The following CACNA2D4 variants were observed in gnomAD, a reference collection of about 807,000 sequenced individuals.
CACNA2D4 encodes the protein voltage-dependent calcium channel subunit alpha-2/delta-4.
Under a neutral mutation model 163.8 loss-of-function variants are expected in CACNA2D4, and 157 were observed. The observed-to-expected ratio is 0.96, with a 90% confidence interval of 0.84 to 1.09. CACNA2D4 has a LOEUF of 1.09. Among genes scored for constraint, CACNA2D4 ranks in the 50% least tolerant of loss-of-function variants. CACNA2D4 has a pLI of 0.00. For synonymous variants in CACNA2D4, 598 were observed against 586.9 expected (o/e 1.02, Z -0.27); for missense variants, 1,410 against 1,479.9 (o/e 0.95, Z 0.78).
At chr12:1,868,064 A>G (rs535436323) in intron 18 of CACNA2D4, among the ~76,000 whole-genome samples, 2 of 152,342 alleles carry the variant, frequency 1.3e-5, no homozygotes, top group Non-Finnish European at 2.9e-5. Flanking sequence ...GGAGGAGCCT[A>G]AAGAAATGAA....
In CACNA2D4 at chr12:1,834,271, A is replaced by G; in HGVS notation, c.2551+6468T>C. 3.2e-6 allele frequency: 5 copies of G among 1,563,146 alleles called. No individual in the cohort carries two copies. Among genetic ancestry groups the G allele is most frequent in the Non-Finnish European group, 4.3e-6 (5 of 1,151,630 alleles). On this transcript the variant is annotated intron_variant, in intron 26 of 37. Transcript: ENST00000382722. The surrounding 1 kb of genome is among the most constrained non-coding windows in gnomAD (Gnocchi z 7.6). ...CTTTTTCTCTTCTGCATGTAGGGGG[A>G]CGCTTGGACCAGCTTGCCTGCACCC...
intron 6 of CACNA2D4, among the ~76,000 whole-genome samples, chr12:1,903,551 T>C (rs910744120): frequency 5.8e-4 from 88 of 151,728 alleles, no homozygotes; most frequent in African/African-American, 2.0e-3. Flanking sequence ...GATTTTTAAA[T>C]GGGAAAAAAT....
Position 1,879,790 on chromosome 12 carries a change from G to T in CACNA2D4, c.1563+14C>A. The T allele has an allele frequency of 6.3e-7, 1 of 1,584,944 alleles. No homozygotes were observed. Among genetic ancestry groups the T allele is most frequent in the South Asian group, 1.2e-5 (1 of 86,742 alleles). The stretch of plus-strand genomic sequence containing the variant: ...CTAATCCCTGCTACAACGTCTCCAG[G>T]AGCGGCCACTCACCGTTTCGTTCTT... On this transcript the variant is annotated intron_variant, in intron 14 of 37. Transcript: ENST00000382722.
rs959015705 is a variant in CACNA2D4 at position 1,802,017 on chromosome 12, G to C, written c.2722-373C>G. Among the ~76,000 whole-genome samples the C allele has an allele frequency of 3.8e-5, 1 of 26,466 alleles. No homozygotes were observed. The highest frequency in any genetic ancestry group is 6.6e-5 in the Non-Finnish European group (1 of 15,060). The allele number at this position is 26,466 out of a possible 152,430, so 17.4% of individuals were successfully genotyped here. ...TGAAACTGGATTTGTTTTATATGCT[G>C]TGTGTGTGTGTGTGTGTGTGTGTGT... is the stretch of plus-strand genomic sequence containing the variant. On this transcript the variant is annotated intron_variant, in intron 29 of 37. Coordinates refer to ENST00000382722, the MANE Select transcript of CACNA2D4 (RefSeq NM_172364.5). This position sits in a 1 kb window ranked among gnomAD's most constrained non-coding sequence, Gnocchi z 4.7.
chr12:1,828,342 G>A lies in CACNA2D4; in HGVS notation c.2551+12397C>T, dbSNP rs1864451831. 2.4e-6 allele frequency: 2 copies of A among 822,994 alleles called. No individual in the cohort carries two copies. Among genetic ancestry groups the A allele is most frequent in the Non-Finnish European group, 3.6e-6 (2 of 557,732 alleles). The allele number at this position is 822,994 out of a possible 1,614,324, so 51.0% of individuals were successfully genotyped here. On this transcript the variant is annotated intron_variant, in intron 26 of 37. Transcript: ENST00000382722. The surrounding 1 kb of genome is among the most constrained non-coding windows in gnomAD (Gnocchi z 4.2). ...GGGAGGCCTACGCCAGATCTTCCTG[G>A]GGTACCCGAGGCTATGTTCTGGGAA... is the stretch of plus-strand genomic sequence containing the variant.
chr12:1,893,430 A>T (rs1212748355), intron 6 of CACNA2D4, among the ~76,000 whole-genome samples: 1 of 152,114 alleles, frequency 6.6e-6, no homozygotes, highest in Non-Finnish European at 1.5e-5. Context: ...GAGGCAGAGA[A>T]TTGCTTAAAC....
At chr12:1,794,394 G>T (rs1452843883) in intron 37 of CACNA2D4, among the ~76,000 whole-genome samples, 1 of 152,168 alleles carries the variant, frequency 6.6e-6, no homozygotes, top group East Asian at 1.9e-4. Flanking sequence ...GACACCAACT[G>T]GGTGTCTGTC....
rs762552083 is a variant in CACNA2D4, at chr12:1,831,444, C to T, written c.2551+9295G>A. On this transcript the variant is annotated intron_variant, in intron 26 of 37. Transcript: ENST00000382722. ...TGAACCCCTAGCAAACCTGCAGCTGCTGCAGGTCGGGGATAACCCCTGGGA... is the reference window on the plus strand; with the variant it reads ...TGAACCCCTAGCAAACCTGCAGCTGTTGCAGGTCGGGGATAACCCCTGGGA... 2.5e-6 allele frequency: 4 copies of T among 1,614,152 alleles called. No homozygotes were observed. In the Admixed American group the frequency reaches 6.7e-5, roughly 27 times the overall value.
intron 6 of CACNA2D4, among the ~76,000 whole-genome samples, chr12:1,904,032 C>A (rs1333305078): frequency 6.6e-6 from 1 of 152,048 alleles, no homozygotes; most frequent in Non-Finnish European, 1.5e-5. Context: ...CAATGGAGTA[C>A]TATTCAGCCA....
rs1864440914 is a variant in CACNA2D4, at chr12:1,828,210, T to C, written c.2551+12529A>G. The C allele has an allele frequency of 6.5e-7, 1 of 1,545,540 alleles. No individual in the cohort carries two copies. Among genetic ancestry groups the C allele is most frequent in the Non-Finnish European group, 8.7e-7 (1 of 1,144,736 alleles). On this transcript the variant is annotated intron_variant, in intron 26 of 37. Transcript: ENST00000382722. This position sits in a 1 kb window ranked among gnomAD's most constrained non-coding sequence, Gnocchi z 4.2. ...AGGCTCGCCCTGCAGTGGAGGCAAGTCTCCTGTGAGTACACCCCTGGCCTC... is the reference window on the plus strand; with the variant it reads ...AGGCTCGCCCTGCAGTGGAGGCAAGCCTCCTGTGAGTACACCCCTGGCCTC...
rs1424708102 is a variant in CACNA2D4 at position 1,801,070 on chromosome 12, G to A, written c.2841C>T (p.His947=). 5.6e-6 allele frequency: 9 copies of A among 1,613,620 alleles called. No individual in the cohort carries two copies. The East Asian group carries it at 1.8e-4, about 32-fold the overall frequency. The change falls in exon 31 of 38, where the codon CAC becomes CAT. Residue 947 remains histidine, a synonymous_variant. Transcript: ENST00000382722. ...TGACCAGGGGCTGGGCTGCACTGTG[G>A]TGGTGACTCGAGGGTTTGCACATGG... The part of the protein sequence containing the change: ...YQAMCKPSSH[H]HSAAQPLVSP...
At chr12:1,840,385 C>T (rs1864988462) in intron 26 of CACNA2D4, among the ~76,000 whole-genome samples, 1 of 141,274 alleles carries the variant, frequency 7.1e-6, no homozygotes, top group African/African-American at 2.7e-5. Context: ...GCTCTATTAA[C>T]CCGCAGGAAG....
At chr12:1,826,816 G>A (rs1396061032) in intron 26 of CACNA2D4, among the ~76,000 whole-genome samples, 1 of 152,232 alleles carries the variant, frequency 6.6e-6, no homozygotes, top group African/African-American at 2.4e-5. Flanking sequence ...GGGGGCAACA[G>A]GGTTTGCAGC....
chr12:1,914,769 G>T, intron 2 of CACNA2D4, 85 bp downstream of exon 2: 1 of 862,720 alleles, frequency 1.2e-6, no homozygotes. Context: ...GATGCCCAAG[G>T]CCCCTCACAG....
At chr12:1,914,582 C>T (rs1866915685) in intron 2 of CACNA2D4, among the ~76,000 whole-genome samples, 4 of 152,222 alleles carry the variant, frequency 2.6e-5, no homozygotes, top group Admixed American at 2.6e-4. Context: ...CTTCACCCCA[C>T]CTCCACCCAG....
intron 1 of CACNA2D4, 62 bp from the exon 2 acceptor site, chr12:1,914,997 C>G (rs1396842669): frequency 1.6e-6 from 2 of 1,225,230 alleles, no homozygotes; most frequent in Non-Finnish European, 1.2e-6. Context: ...CAGAAACACA[C>G]GCGTAGACAT....
chr12:1,805,218 G>A (rs1441898887), intron 29 of CACNA2D4, among the ~76,000 whole-genome samples: 1 of 152,196 alleles, frequency 6.6e-6, no homozygotes, highest in Non-Finnish European at 1.5e-5. Flanking sequence ...AGGGAGGCCA[G>A]GAGGAGGAGG....
intron 18 of CACNA2D4, among the ~76,000 whole-genome samples, chr12:1,874,000 G>A (rs913883665): frequency 1.3e-5 from 2 of 152,228 alleles, no homozygotes; most frequent in South Asian, 2.1e-4. Context: ...GGTGGGGGTG[G>A]CTGTGAGGGA....
intron 9 of CACNA2D4, among the ~76,000 whole-genome samples, chr12:1,885,478 A>G (rs1435428147): frequency 6.6e-6 from 1 of 152,066 alleles, no homozygotes; most frequent in African/African-American, 2.4e-5. Context: ...TTCAAGAGGA[A>G]CTCAAACCCC....
Sources: allele counts gnomAD v4.1 joint callset (sites outside exome capture counted in the v4.1 genomes callset), GRCh38; gene constraint gnomAD v4.1.1; non-coding constraint Gnocchi (gnomAD v3.1); transcripts MANE v1.5; gene names NCBI Gene and HGNC (gene_info 2026-07-23, HGNC 2026-07-21).